ABR: variants seen among roughly 807,000 people sequenced by gnomAD.
ABR encodes ABR activator of RhoGEF and GTPase, also known as active breakpoint cluster region-related protein.
Under a neutral mutation model 107.2 loss-of-function variants are expected in ABR, and 35 were observed. The ratio of observed to expected loss-of-function variants is 0.33; its 90% CI spans 0.25 to 0.43. The LOEUF (loss-of-function observed/expected upper bound fraction) is 0.43, where lower values mean the gene tolerates loss of function less well. Among genes scored for constraint, ABR ranks in the 20% least tolerant of loss-of-function variants. The probability of loss-of-function intolerance (pLI) is 1.00; values close to 1 mark genes in which losing one functional copy is unlikely to be tolerated. For synonymous variants in ABR, 498 were observed against 462.0 expected, an observed-to-expected ratio of 1.08 and a Z score of -1.00; for missense variants, 815 against 1,115.2, an observed-to-expected ratio of 0.73 and a Z score of 3.83.
At chr17:1,178,239 C>G (rs1196972507) in intron 1 of ABR, among the ~76,000 whole-genome samples, 2 of 151,958 alleles carry the variant, frequency 1.3e-5, no homozygotes, top group African/African-American at 2.4e-5. Flanking sequence ...CCCCACCCCC[C>G]CCATATGACT....
intron 2 of ABR, among the ~76,000 whole-genome samples, chr17:1,101,962 T>C (rs1363673552): frequency 3.3e-5 from 5 of 152,108 alleles, no homozygotes; most frequent in Non-Finnish European, 2.9e-5. Flanking sequence ...CTCGATCTCC[T>C]GACCTCGTGA....
chr17:1,128,518 C>T (rs2039693334), intron 1 of ABR, among the ~76,000 whole-genome samples: 2 of 152,214 alleles, frequency 1.3e-5, no homozygotes, highest in Non-Finnish European at 1.5e-5. Context: ...ACGTTCTAGA[C>T]AACAAGATGT....
chr17:1,018,274 C>G (rs1191354524), intron 16 of ABR, among the ~76,000 whole-genome samples: 3 of 150,800 alleles, frequency 2.0e-5, no homozygotes, highest in Admixed American at 6.6e-5. Context: ...GATCTCCTGA[C>G]CTCGTGATTC....
intron 6 of ABR, among the ~76,000 whole-genome samples, chr17:1,076,735 G>GA (rs1236719579): frequency 2.9e-5 from 4 of 137,580 alleles, no homozygotes; most frequent in Non-Finnish European, 6.2e-5. Flanking sequence ...GGGGTGGGGG[G>GA]GGTGGCGGCA....
intron 1 of ABR, among the ~76,000 whole-genome samples, chr17:1,145,138 C>A (rs2040476039): frequency 6.6e-6 from 1 of 152,196 alleles, no homozygotes; most frequent in African/African-American, 2.4e-5. Context: ...GAGGTGGTGG[C>A]CCTCTTCTGC....
rs965022700 is a variant in ABR at position 1,018,259 on chromosome 17, G to A, written c.1792-5095C>T. Among the ~76,000 whole-genome samples the A allele has an allele frequency of 9.3e-5, 14 of 151,150 alleles. No homozygotes were observed. The South Asian group carries it at 2.9e-3, about 32-fold the overall frequency. On this transcript the variant is annotated intron_variant, in intron 16 of 22. Coordinates refer to ENST00000302538, the MANE Select transcript of ABR (RefSeq NM_021962.5). ...GGGTTTCACCGTGTTAGCCAGGATGGTCTTGATCTCCTGACCTCGTGATTC... is the reference window on the plus strand; with the variant it reads ...GGGTTTCACCGTGTTAGCCAGGATGATCTTGATCTCCTGACCTCGTGATTC...
At chr17:1,068,169 G>A (rs1386152992) in intron 9 of ABR, among the ~76,000 whole-genome samples, 2 of 152,216 alleles carry the variant, frequency 1.3e-5, no homozygotes, top group African/African-American at 2.4e-5. Context: ...CTGACCTCAG[G>A]TGATCCACCC....
intron 2 of ABR, among the ~76,000 whole-genome samples, chr17:1,104,708 T>A (rs1216107230): frequency 6.6e-6 from 1 of 152,210 alleles, no homozygotes; most frequent in Non-Finnish European, 1.5e-5. Flanking sequence ...CCCTCTCCTC[T>A]CCCAGCGCTA....
At chr17:1,195,623 T>C (rs952780536) in intron 1 of ABR, among the ~76,000 whole-genome samples, 2 of 149,738 alleles carry the variant, frequency 1.3e-5, no homozygotes, top group African/African-American at 4.9e-5. Context: ...GCTAACACGG[T>C]GAAACCCCGT....
chr17:1,057,106 G>A lies in ABR; in HGVS notation c.1382-4C>T, dbSNP rs769782002. 1.2e-6 allele frequency: 2 copies of A among 1,602,088 alleles called. No homozygotes were observed. The highest frequency in any genetic ancestry group is 1.7e-6 in the Non-Finnish European group (2 of 1,169,952). On this transcript the variant is annotated splice_polypyrimidine_tract_variant and splice_region_variant and intron_variant, in intron 12 of 22. Coordinates refer to ENST00000302538, the MANE Select transcript of ABR (RefSeq NM_021962.5). ...CTCAGGACAAAGGCCTGGAGATCTGGAGGGAGAGCCGAGAGAGAAGGGAGC... is the reference window on the plus strand; with the variant it reads ...CTCAGGACAAAGGCCTGGAGATCTGAAGGGAGAGCCGAGAGAGAAGGGAGC...
chr17:1,180,225 C>T (rs1026656867), upstream of ABR, among the ~76,000 whole-genome samples: 3 of 152,070 alleles, frequency 2.0e-5, no homozygotes, highest in African/African-American at 4.8e-5. Context: ...TCGTCCCCCC[C>T]GCGCCGGGCT....
At chr17:1,047,614 T>C (rs545373522) in intron 16 of ABR, among the ~76,000 whole-genome samples, 1 of 152,356 alleles carries the variant, frequency 6.6e-6, no homozygotes, top group Admixed American at 6.5e-5. Context: ...CCAGGTCAGC[T>C]GGCAGCAGGA....
chr17:1,121,926 G>A (rs940351362), intron 2 of ABR, among the ~76,000 whole-genome samples: 4 of 152,202 alleles, frequency 2.6e-5, no homozygotes, highest in African/African-American at 9.6e-5. Flanking sequence ...TTCTTGAGAT[G>A]GAGTCTCGCT....
intron 1 of ABR, chr17:1,156,039 C>T (rs2041027196): frequency 6.6e-6 from 1 of 151,444 alleles, no homozygotes; most frequent in African/African-American, 2.4e-5. Context: ...GAGAGGTGCT[C>T]ACCGTGGAGC....
intron 1 of ABR, among the ~76,000 whole-genome samples, chr17:1,141,908 G>C (rs371321065): frequency 6.6e-6 from 1 of 151,936 alleles, no homozygotes; most frequent in African/African-American, 2.4e-5. Context: ...ACAGGTGCCC[G>C]CCACCACGCC....
At chr17:1,215,302 T>A (rs12936878) in intron 1 of ABR, among the ~76,000 whole-genome samples, 2 of 151,418 alleles carry the variant, frequency 1.3e-5, no homozygotes, top group Non-Finnish European at 3.0e-5. Context: ...GAAGCTGGAC[T>A]GTACTGCTGC....
At chr17:1,044,709 T>C (rs1248452044) in intron 16 of ABR, among the ~76,000 whole-genome samples, 1 of 151,860 alleles carries the variant, frequency 6.6e-6, no homozygotes, top group African/African-American at 2.4e-5. Flanking sequence ...CTTTTATTCA[T>C]TCCTTCTACT....
chr17:1,023,461 GCCCTGCCCCAGCC>G (rs2071891805), intron 16 of ABR, among the ~76,000 whole-genome samples: 1 of 152,230 alleles, frequency 6.6e-6, no homozygotes, highest in Admixed American at 6.5e-5. Context: ...CAGGAAGCCG[GCCCTGCCCCAGCC>G]CAGGGCAGGT....
intron 6 of ABR, among the ~76,000 whole-genome samples, chr17:1,075,037 G>T (rs940330880): frequency 6.6e-6 from 1 of 152,230 alleles, no homozygotes; most frequent in Non-Finnish European, 1.5e-5. Context: ...CCTCACATAT[G>T]AGAGCCCCAA....
Sources: gnomAD v4.1 joint callset for allele counts (sites outside exome capture counted in the v4.1 genomes callset) on GRCh38, gnomAD v4.1.1 for gene constraint, MANE v1.5 for transcripts, NCBI Gene and HGNC (gene_info 2026-07-23, HGNC 2026-07-21) for gene names.